Variants in SLC16A10 observed in about 807,000 individuals in gnomAD.
SLC16A10 encodes solute carrier family 16 member 10.
Under a neutral mutation model 40.0 loss-of-function variants are expected in SLC16A10, and 27 were observed. The ratio of observed to expected loss-of-function variants is 0.67; its 90% CI spans 0.50 to 0.93. The LOEUF is 0.93. SLC16A10 is among the 40% of genes least tolerant of loss of function. The pLI is 0.00. For synonymous variants in SLC16A10, 213 were observed against 249.8 expected, an observed-to-expected ratio of 0.85 and a Z score of 1.39; for missense variants, 529 against 658.2, an observed-to-expected ratio of 0.80 and a Z score of 2.15.
intron 1 of SLC16A10, among the ~76,000 whole-genome samples, chr6:111,169,954 T>A (rs1772553872): frequency 6.8e-6 from 1 of 146,440 alleles, no homozygotes. Context: ...TCTCACTCTG[T>A]CCCCCAGGTT....
chr6:111,126,320 C>G (rs1460913001), intron 1 of SLC16A10, among the ~76,000 whole-genome samples: 3 of 151,930 alleles, frequency 2.0e-5, no homozygotes, highest in African/African-American at 4.8e-5. Context: ...TTGTAAAGGG[C>G]AGGTTGACTT....
In SLC16A10 at chr6:111,215,759, C is replaced by T. The variant is rs184008403; in HGVS notation, c.1087-3055C>T. Reference sequence around the variant, plus strand: ...GTGGCTCACGCCTATAATCCCAGCACTTTGGGAGGCCAAAGCAAGTAGTTT... The same window carrying T: ...GTGGCTCACGCCTATAATCCCAGCATTTTGGGAGGCCAAAGCAAGTAGTTT... On this transcript the variant is annotated intron_variant, in intron 4 of 5. Transcript: ENST00000368851. 2.3e-3 allele frequency among the ~76,000 whole-genome samples: 344 copies of T among 152,340 alleles called. 1 individual carries two copies. Among genetic ancestry groups the T allele is most frequent in the African/African-American group, 7.9e-3 (327 of 41,566 alleles).
rs774929106 is a variant in SLC16A10 at position 111,172,842 on chromosome 6, A to G, written c.488+3A>G. ...CTCATGTCCAGTTCTTTTGTAAGGT[A>G]AGGACTTGGTTTTTTCATGTTGCTT... On this transcript the variant is annotated splice_donor_region_variant and intron_variant, in intron 2 of 5. Coordinates refer to ENST00000368851, the MANE Select transcript of SLC16A10 (RefSeq NM_018593.5). 8 of 1,613,042 alleles carry G rather than the reference A, an allele frequency of 5.0e-6. No individual in the cohort carries two copies. Among genetic ancestry groups the G allele is most frequent in the Middle Eastern group, 1.7e-4 (1 of 6,054 alleles).
intron 1 of SLC16A10, among the ~76,000 whole-genome samples, chr6:111,132,715 CAG>C (rs1370744206): frequency 6.6e-6 from 1 of 152,184 alleles, no homozygotes; most frequent in Non-Finnish European, 1.5e-5. Context: ...GATTTCCTAA[CAG>C]GGGATTTAAA....
intron 1 of SLC16A10, among the ~76,000 whole-genome samples, chr6:111,117,338 C>G (rs1052688243): frequency 9.2e-6 from 1 of 109,152 alleles, no homozygotes; most frequent in Non-Finnish European, 1.7e-5. Context: ...GGCGACAGAG[C>G]GAGACTCCGT....
At chr6:111,180,336 C>A (rs1034513784) in intron 3 of SLC16A10, among the ~76,000 whole-genome samples, 1 of 152,122 alleles carries the variant, frequency 6.6e-6, no homozygotes, top group East Asian at 1.9e-4. Flanking sequence ...TTGAGCCCAG[C>A]AGTTCAAGAC....
intron 4 of SLC16A10, among the ~76,000 whole-genome samples, chr6:111,209,229 G>A (rs1450852886): frequency 1.3e-5 from 2 of 152,026 alleles, no homozygotes; most frequent in Non-Finnish European, 2.9e-5. Flanking sequence ...AAAGAGTAGA[G>A]GTCCAGGGAC....
intron 3 of SLC16A10, among the ~76,000 whole-genome samples, chr6:111,206,345 G>A (rs529198242): frequency 8.5e-5 from 13 of 152,240 alleles, no homozygotes; most frequent in Middle Eastern, 3.4e-3. Flanking sequence ...CCAAAATGCT[G>A]GGATTACAGG....
In SLC16A10 at chr6:111,087,788, G is replaced by C; in HGVS notation, c.36G>C (p.Arg12=). 1 of 1,258,740 alleles carries C rather than the reference G, an allele frequency of 7.9e-7. No individual in the cohort carries two copies. The highest frequency in any genetic ancestry group is 9.9e-7 in the Non-Finnish European group (1 of 1,007,440). 78.0% of individuals were successfully genotyped at this position (1,258,740 alleles called of 1,614,324 possible). The change falls in exon 1 of 6, where the codon CGG becomes CGC. Residue 12 remains arginine (R), a synonymous_variant. Transcript: ENST00000368851. ...VLSQEEPDSA[R]GTSEAQPLGP... is the part of the protein sequence containing the mutation. ...CCCAGGAGGAGCCGGACTCCGCGCG[G>C]GGCACGAGCGAGGCGCAGCCGCTCG... is the stretch of plus-strand genomic sequence containing the variant.
intron 1 of SLC16A10, among the ~76,000 whole-genome samples, chr6:111,162,293 C>T (rs917550854): frequency 1.3e-5 from 2 of 152,164 alleles, no homozygotes; most frequent in Non-Finnish European, 2.9e-5. Flanking sequence ...TCAGATAAGA[C>T]CTTTTAAAGC....
chr6:111,094,485 G>A (rs536368797), intron 1 of SLC16A10, among the ~76,000 whole-genome samples: 1 of 152,226 alleles, frequency 6.6e-6, no homozygotes, highest in South Asian at 2.1e-4. Flanking sequence ...GGTTGTTTAA[G>A]TCAGAAACCT....
Position 111,203,294 on chromosome 6 carries a change from AG to A in SLC16A10, c.943-3297del, listed in dbSNP as rs1773201745. Among the ~76,000 whole-genome samples the A allele has an allele frequency of 3.3e-5, 5 of 152,342 alleles. No individual in the cohort carries two copies. The South Asian group carries it at 1.0e-3, about 32-fold the overall frequency. On this transcript the variant is annotated intron_variant, in intron 3 of 5. Coordinates refer to ENST00000368851, the MANE Select transcript of SLC16A10 (RefSeq NM_018593.5). The stretch of plus-strand genomic sequence containing the variant: ...ACTGTCTCAGTGAGAAAGGATCCAG[AG>A]ATCCAGCATCACCAGATTCCCTCAC...
chr6:111,174,366 C>T (rs1772640711), intron 2 of SLC16A10, among the ~76,000 whole-genome samples: 1 of 151,704 alleles, frequency 6.6e-6, no homozygotes, highest in Non-Finnish European at 1.5e-5. Flanking sequence ...ATTGCCGCCC[C>T]CCACCCCCCA....
chr6:111,122,009 C>T (rs1051138858), intron 1 of SLC16A10, among the ~76,000 whole-genome samples: 11 of 152,152 alleles, frequency 7.2e-5, no homozygotes, highest in Non-Finnish European at 1.5e-4. Context: ...GCCCCTACCC[C>T]GTGTTCACTG....
rs548146319 is a variant in SLC16A10, at chr6:111,087,782, C to T, written c.30C>T (p.Ser10=). MVLSQEEPD[S]ARGTSEAQPL... ...TGCTCTCCCAGGAGGAGCCGGACTCCGCGCGGGGCACGAGCGAGGCGCAGC... is the reference window on the plus strand; with the variant it reads ...TGCTCTCCCAGGAGGAGCCGGACTCTGCGCGGGGCACGAGCGAGGCGCAGC... The change falls in exon 1 of 6, where the codon TCC becomes TCT. Residue 10 remains serine (S), a synonymous_variant. Coordinates refer to ENST00000368851, the MANE Select transcript of SLC16A10 (RefSeq NM_018593.5). The T allele has an allele frequency of 2.8e-5, 34 of 1,224,374 alleles. No homozygotes were observed. In the South Asian group the frequency reaches 1.3e-3, roughly 47 times the overall value. The allele number at this position is 1,224,374 out of a possible 1,614,324, so 75.8% of individuals were successfully genotyped here.
intron 4 of SLC16A10, among the ~76,000 whole-genome samples, chr6:111,215,750 A>T (rs1341882762): frequency 6.6e-6 from 1 of 152,260 alleles, no homozygotes; most frequent in Non-Finnish European, 1.5e-5. Context: ...CACGCCTATA[A>T]TCCCAGCACT....
intron 1 of SLC16A10, among the ~76,000 whole-genome samples, chr6:111,132,220 GAGAA>G (rs1045656981): frequency 3.9e-5 from 6 of 152,096 alleles, no homozygotes; most frequent in Non-Finnish European, 8.8e-5. Flanking sequence ...ACAGAGGGGA[GAGAA>G]AGAGAGAGAG....
intron 4 of SLC16A10, among the ~76,000 whole-genome samples, chr6:111,212,818 T>C (rs560400478): frequency 2.0e-5 from 3 of 148,944 alleles, no homozygotes; most frequent in Admixed American, 6.7e-5. Context: ...TAAAAAAAAA[T>C]GCTGAGTCAA....
rs185259384 is a variant in SLC16A10, at chr6:111,183,875, T to A, written c.942+6210T>A. Among the ~76,000 whole-genome samples, 6 of 152,328 alleles carry A rather than the reference T, an allele frequency of 3.9e-5. No homozygotes were observed. In the East Asian group the frequency reaches 7.7e-4, roughly 20 times the overall value. On this transcript the variant is annotated intron_variant, in intron 3 of 5. Transcript: ENST00000368851. ...TGGAGTGGTGTGTTTAAGAATAGGA[T>A]GCAGGATGCAGAACCATAACCAGGC... is the stretch of plus-strand genomic sequence containing the variant.
Sources: allele counts gnomAD v4.1 joint callset (sites outside exome capture counted in the v4.1 genomes callset), GRCh38; gene constraint gnomAD v4.1.1; transcripts MANE v1.5; gene names NCBI Gene and HGNC (gene_info 2026-07-23, HGNC 2026-07-21).